Variants in PCDH9 observed in about 807,000 individuals in gnomAD.
PCDH9 encodes the protein protocadherin 9.
A neutral mutation model predicts 70.6 loss-of-function variants in PCDH9; 24 were observed. The ratio of observed to expected loss-of-function variants is 0.34; its 90% CI spans 0.25 to 0.48. The LOEUF is 0.48. Ranked by LOEUF, PCDH9 falls within the 20% of genes least tolerant of loss-of-function variation. The probability of loss-of-function intolerance (pLI) is 0.99; values close to 1 mark genes in which losing one functional copy is unlikely to be tolerated. For missense variants in PCDH9, 1,281 were observed against 1,503.6 expected (o/e 0.85, Z 2.45); for synonymous variants, 562 against 558.5 (o/e 1.01, Z -0.09).
intron 2 of PCDH9, chr13:67,216,649 A>G (rs2089608315): frequency 1.6e-5 from 2 of 128,864 alleles, no homozygotes; most frequent in South Asian, 5.1e-4. Context: ...CACATCATAG[A>G]TTTTATTTCA....
intron 3 of PCDH9, among the ~76,000 whole-genome samples, chr13:66,897,219 A>T (rs2082197174): frequency 6.6e-6 from 1 of 151,068 alleles, no homozygotes; most frequent in Admixed American, 6.6e-5. Context: ...GAAGAAAAGA[A>T]GGGAGGGAGG....
At chr13:66,827,218 C>A (rs189349968) in intron 3 of PCDH9, among the ~76,000 whole-genome samples, 23 of 152,160 alleles carry the variant, frequency 1.5e-4, no homozygotes, top group Non-Finnish European at 2.9e-4. Flanking sequence ...CCAAGCCCTG[C>A]TGATATCTTG....
At chr13:66,866,436 T>C (rs577556682) in intron 3 of PCDH9, among the ~76,000 whole-genome samples, 19 of 151,730 alleles carry the variant, frequency 1.3e-4, no homozygotes, top group Admixed American at 2.6e-4. Context: ...GAGCTGAGAT[T>C]GCGCCACTGC....
intron 4 of PCDH9, among the ~76,000 whole-genome samples, chr13:66,444,719 C>A (rs555470243): frequency 6.6e-6 from 1 of 152,040 alleles, no homozygotes; most frequent in African/African-American, 2.4e-5. Flanking sequence ...TGCCACCAGG[C>A]CTGGCTAATT....
At chr13:66,717,084 A>G (rs1264208260) in intron 3 of PCDH9, among the ~76,000 whole-genome samples, 2 of 151,992 alleles carry the variant, frequency 1.3e-5, no homozygotes, top group South Asian at 4.2e-4. Context: ...GAAATTATCT[A>G]ATTTTATTTA....
chr13:67,225,383 A>T, intron 2 of PCDH9, 22 bp downstream of exon 2: 1 of 1,608,356 alleles, frequency 6.2e-7, no homozygotes, highest in Non-Finnish European at 8.5e-7. Flanking sequence ...GTACTTATAG[A>T]CCAGTAAAAG....
chr13:66,363,457 A>G (rs1420107936), intron 4 of PCDH9, among the ~76,000 whole-genome samples: 1 of 152,226 alleles, frequency 6.6e-6, no homozygotes, highest in South Asian at 2.1e-4. Flanking sequence ...ATGAAAATGA[A>G]AAAATGAACA....
At chr13:66,362,651 T>C (rs1022027245) in intron 4 of PCDH9, among the ~76,000 whole-genome samples, 1 of 152,148 alleles carries the variant, frequency 6.6e-6, no homozygotes, top group African/African-American at 2.4e-5. Flanking sequence ...TTTCTTCTTC[T>C]TTGTCTCTCT....
At chr13:66,688,412 T>A (rs560760643) in intron 3 of PCDH9, among the ~76,000 whole-genome samples, 15 of 152,294 alleles carry the variant, frequency 9.8e-5, no homozygotes, top group African/African-American at 3.6e-4. Context: ...GGAAGGGATA[T>A]GTGGTTAGGC....
intron 4 of PCDH9, among the ~76,000 whole-genome samples, chr13:66,340,185 T>C (rs1282047089): frequency 6.6e-6 from 1 of 152,222 alleles, no homozygotes; most frequent in Non-Finnish European, 1.5e-5. Context: ...ACTGTTTATA[T>C]GGTGAAACCA....
intron 2 of PCDH9, among the ~76,000 whole-genome samples, chr13:67,108,534 A>G (rs1200052451): frequency 1.3e-5 from 2 of 152,196 alleles, no homozygotes; most frequent in African/African-American, 4.8e-5. Context: ...TAAGGCCAAT[A>G]ATAATATCAA....
intron 2 of PCDH9, among the ~76,000 whole-genome samples, chr13:67,006,439 A>T (rs2084357293): frequency 6.6e-6 from 1 of 152,236 alleles, no homozygotes; most frequent in Non-Finnish European, 1.5e-5. Flanking sequence ...TTACCCGAAT[A>T]ATGTATCAAA....
At chr13:67,215,821 A>G (rs1009353732) in intron 2 of PCDH9, 4 of 152,330 alleles carry the variant, frequency 2.6e-5, no homozygotes, top group African/African-American at 2.4e-5. Flanking sequence ...CTGAATGCCT[A>G]CTAAGTTCAC....
chr13:66,905,520 T>C (rs1239147074), intron 2 of PCDH9, among the ~76,000 whole-genome samples: 1 of 152,028 alleles, frequency 6.6e-6, no homozygotes, highest in Admixed American at 6.6e-5. Context: ...GTAGCCAGAG[T>C]TTAGAATCCT....
chr13:66,389,526 T>TAACTTTAATGGTATATAAATA (rs1304425182), intron 4 of PCDH9, among the ~76,000 whole-genome samples: 1 of 152,190 alleles, frequency 6.6e-6, no homozygotes, highest in Non-Finnish European at 1.5e-5. Flanking sequence ...GATTTGTACA[T>TAACTTTAATGGTATATAAATA]AACTTTAATG....
intron 4 of PCDH9, among the ~76,000 whole-genome samples, chr13:66,545,834 TTTA>T (rs1416182057): frequency 1.9e-4 from 2 of 10,754 alleles, no homozygotes; most frequent in South Asian, 7.4e-3. Flanking sequence ...TTTTATTTTA[TTTA>T]TTTATTTATT....
At chr13:66,420,686 A>G (rs1212438988) in intron 4 of PCDH9, among the ~76,000 whole-genome samples, 3 of 152,172 alleles carry the variant, frequency 2.0e-5, no homozygotes, top group East Asian at 1.9e-4. Flanking sequence ...AAGGTCACCA[A>G]CAGCAAAGAC....
chr13:66,416,303 C>T (rs1487032708), intron 4 of PCDH9, among the ~76,000 whole-genome samples: 4 of 145,102 alleles, frequency 2.8e-5, no homozygotes, highest in African/African-American at 7.6e-5. Flanking sequence ...CATTAGCCCA[C>T]GGAAGGAAGC....
At chr13:66,623,248 A>C (rs1245651392) in intron 4 of PCDH9, among the ~76,000 whole-genome samples, 1 of 152,200 alleles carries the variant, frequency 6.6e-6, no homozygotes, top group East Asian at 1.9e-4. Flanking sequence ...TTAATTTCTC[A>C]AGCTTCTTAA....
Sources: allele counts gnomAD v4.1 joint callset (sites outside exome capture counted in the v4.1 genomes callset), GRCh38; gene constraint gnomAD v4.1.1; transcripts MANE v1.5; gene names NCBI Gene and HGNC (gene_info 2026-07-23, HGNC 2026-07-21).